The following CTNNA2 variants were observed in gnomAD, a reference collection of about 807,000 sequenced individuals.
CTNNA2 encodes catenin alpha-2.
A neutral mutation model predicts 101.0 loss-of-function variants in CTNNA2; 42 were observed. The ratio of observed to expected loss-of-function variants is 0.42; its 90% CI spans 0.32 to 0.54. CTNNA2 has a LOEUF of 0.54. Among genes scored for constraint, CTNNA2 ranks in the 20% least tolerant of loss-of-function variants. CTNNA2 has a pLI of 0.14. For missense variants in CTNNA2, 871 were observed against 1,223.1 expected, an observed-to-expected ratio of 0.71 and a Z score of 4.29; for synonymous variants, 450 against 456.4, an observed-to-expected ratio of 0.99 and a Z score of 0.18.
At chr2:80,099,080 C>T (rs1262147224) in intron 7 of CTNNA2, among the ~76,000 whole-genome samples, 1 of 151,910 alleles carries the variant, frequency 6.6e-6, no homozygotes, top group East Asian at 2.0e-4. Context: ...GCAGAAATCA[C>T]CCGTCTTCTG....
chr2:80,628,573 C>G (rs1299899859), intron 18 of CTNNA2, among the ~76,000 whole-genome samples: 1 of 150,472 alleles, frequency 6.6e-6, no homozygotes, highest in Non-Finnish European at 1.5e-5. Context: ...TTACACAAAA[C>G]CTATTCTTAC....
At chr2:80,384,614 T>C (rs990358059) in intron 7 of CTNNA2, among the ~76,000 whole-genome samples, 1 of 151,300 alleles carries the variant, frequency 6.6e-6, no homozygotes, top group Non-Finnish European at 1.5e-5. Flanking sequence ...GTGGGTGTCA[T>C]GGAAAGAGAG....
intron 7 of CTNNA2, among the ~76,000 whole-genome samples, chr2:79,944,899 A>G (rs952864396): frequency 6.6e-6 from 1 of 152,226 alleles, no homozygotes; most frequent in Non-Finnish European, 1.5e-5. Context: ...CATGTTTCAT[A>G]TAAGTTCCTT....
At chr2:80,423,398 C>T (rs1350391998) in intron 9 of CTNNA2, among the ~76,000 whole-genome samples, 8 of 152,014 alleles carry the variant, frequency 5.3e-5, no homozygotes, top group Non-Finnish European at 1.0e-4. Context: ...CCATGTGGGT[C>T]CAATATACTC....
chr2:80,128,365 T>C (rs527535748), intron 7 of CTNNA2, among the ~76,000 whole-genome samples: 1 of 152,086 alleles, frequency 6.6e-6, no homozygotes, highest in South Asian at 2.1e-4. Flanking sequence ...CTAATGGGAG[T>C]CAGCACAGCT....
At chr2:80,093,437 C>A (rs1699921275) in intron 7 of CTNNA2, among the ~76,000 whole-genome samples, 1 of 152,136 alleles carries the variant, frequency 6.6e-6, no homozygotes, top group South Asian at 2.1e-4. Context: ...CAAGTCTTTG[C>A]TATTGTGAAT....
At chr2:80,011,532 A>G (rs1248004109) in intron 7 of CTNNA2, among the ~76,000 whole-genome samples, 1 of 152,106 alleles carries the variant, frequency 6.6e-6, no homozygotes, top group Non-Finnish European at 1.5e-5. Context: ...ACTTCAAAAA[A>G]AGAACATCAA....
intron 4 of CTNNA2, among the ~76,000 whole-genome samples, chr2:79,448,380 T>C (rs2104524774): frequency 6.6e-6 from 1 of 152,232 alleles, no homozygotes; most frequent in East Asian, 1.9e-4. Context: ...CCACATATTA[T>C]GTATGCATTA....
At chr2:80,598,207 C>CA (rs894377620) in intron 15 of CTNNA2, among the ~76,000 whole-genome samples, 35 of 151,718 alleles carry the variant, frequency 2.3e-4, no homozygotes, top group African/African-American at 8.5e-4. Context: ...AACAAAGGAA[C>CA]AAAAAAACAC....
chr2:80,328,542 T>A (rs1048501617), intron 7 of CTNNA2, among the ~76,000 whole-genome samples: 8 of 152,326 alleles, frequency 5.3e-5, no homozygotes, highest in African/African-American at 1.9e-4. Flanking sequence ...CCTGATCCTC[T>A]TACAGAGACT....
At position 79,593,243 on chromosome 2, in the gene CTNNA2, C is replaced by T. The variant is rs565622095; in HGVS notation, c.-5-58309C>T. On this transcript the variant is annotated intron_variant, in intron 1 of 18. Coordinates refer to ENST00000402739, the MANE Select transcript of CTNNA2 (RefSeq NM_001282597.3). ...CTCATTGGCACTTCAATTCCATCAT[C>T]AGCATGTTCAGCATAATTCACTGTG... 5.3e-5 allele frequency among the ~76,000 whole-genome samples: 8 copies of T among 152,266 alleles called. No individual in the cohort carries two copies. The East Asian group carries it at 1.5e-3, about 29-fold the overall frequency.
chr2:79,769,091 G>A (rs536463510), intron 3 of CTNNA2, among the ~76,000 whole-genome samples: 8 of 152,062 alleles, frequency 5.3e-5, no homozygotes, highest in Non-Finnish European at 1.2e-4. Flanking sequence ...TCCTGACCTC[G>A]TGATCCGCCC....
In CTNNA2 at chr2:79,366,343, G is replaced by A. The variant is rs542041729; in HGVS notation, c.-317-7488G>A. 4.6e-5 allele frequency among the ~76,000 whole-genome samples: 7 copies of A among 152,290 alleles called. No individual in the cohort carries two copies. In the East Asian group the frequency reaches 9.6e-4, roughly 21 times the overall value. ...TTTTCATACAAGTGGAACACAGGCCGGCTAGGAACAAAGATTTTTCTTCCT... is the reference window on the plus strand; with the variant it reads ...TTTTCATACAAGTGGAACACAGGCCAGCTAGGAACAAAGATTTTTCTTCCT... On this transcript the variant is annotated intron_variant, in intron 3 of 21. Coordinates refer to the CTNNA2 transcript ENST00000466387.
intron 9 of CTNNA2, among the ~76,000 whole-genome samples, chr2:80,505,256 GAA>G (rs1381691948): frequency 6.6e-6 from 1 of 152,236 alleles, no homozygotes; most frequent in Admixed American, 6.5e-5. Context: ...AAGTCAGGAA[GAA>G]AGTGTTCTTG....
intron 7 of CTNNA2, among the ~76,000 whole-genome samples, chr2:80,311,148 A>G (rs1677537626): frequency 6.6e-6 from 1 of 152,136 alleles, no homozygotes; most frequent in Non-Finnish European, 1.5e-5. Flanking sequence ...TTTAGTCATT[A>G]TAAAATTTAC....
chr2:80,454,144 C>T (rs1683761830), intron 9 of CTNNA2, among the ~76,000 whole-genome samples: 1 of 152,208 alleles, frequency 6.6e-6, no homozygotes, highest in African/African-American at 2.4e-5. Flanking sequence ...ATAGTTTACT[C>T]TTATCTGCTC....
intron 2 of CTNNA2, among the ~76,000 whole-genome samples, chr2:79,678,677 G>C (rs892404272): frequency 6.6e-6 from 1 of 152,074 alleles, no homozygotes; most frequent in African/African-American, 2.4e-5. Flanking sequence ...ATCCCTCCCT[G>C]TCTGACTGGG....
At chr2:80,557,514 G>C (rs1023965483) in intron 12 of CTNNA2, among the ~76,000 whole-genome samples, 1 of 152,108 alleles carries the variant, frequency 6.6e-6, no homozygotes, top group Admixed American at 6.6e-5. Flanking sequence ...ACCTGGGTCT[G>C]TCACTAGATA....
chr2:80,550,270 G>A (rs1381063920), intron 11 of CTNNA2, among the ~76,000 whole-genome samples: 6 of 152,112 alleles, frequency 3.9e-5, no homozygotes, highest in Non-Finnish European at 7.3e-5. Flanking sequence ...TCTAAAAAAT[G>A]CTAAAGATCA....
Sources: gnomAD v4.1 joint callset for allele counts (sites outside exome capture counted in the v4.1 genomes callset) on GRCh38, gnomAD v4.1.1 for gene constraint, MANE v1.5 for transcripts, NCBI Gene and HGNC (gene_info 2026-07-23, HGNC 2026-07-21) for gene names.